MYH9: variants seen among roughly 807,000 people sequenced by gnomAD.
MYH9 encodes the protein myosin heavy chain 9.
Under a neutral mutation model 241.9 loss-of-function variants are expected in MYH9, and 29 were observed. The observed-to-expected ratio is 0.12, with a 90% CI of 0.09 to 0.16. The LOEUF (loss-of-function observed/expected upper bound fraction) is 0.16, where lower values mean the gene tolerates loss of function less well. Among genes scored for constraint, MYH9 ranks in the 10% least tolerant of loss-of-function variants. The probability of loss-of-function intolerance (pLI) is 1.00; values close to 1 mark genes in which losing one functional copy is unlikely to be tolerated. For synonymous variants in MYH9, 1,047 were observed against 1,062.6 expected, an observed-to-expected ratio of 0.99 and a Z score of 0.29; for missense variants, 1,803 against 2,595.5, an observed-to-expected ratio of 0.69 and a Z score of 6.63.
chr22:36,332,661 T>TAAAAAAAAAAA (rs67602880), intron 3 of MYH9, among the ~76,000 whole-genome samples: 1 of 44,506 alleles, frequency 2.2e-5, no homozygotes, highest in African/African-American at 9.9e-5. Flanking sequence ...TCTGGATAAT[T>TAAAAAAAAAAA]AAAAAAAAAA....
At position 36,314,192 on chromosome 22, in the gene MYH9, C is replaced by T. The variant is rs1374509912; in HGVS notation, c.1507G>A (p.Asp503Asn). 6.8e-6 allele frequency: 11 copies of T among 1,614,098 alleles called. No homozygotes were observed. Among genetic ancestry groups the T allele is most frequent in the Non-Finnish European group, 9.3e-6 (11 of 1,180,032 alleles). The part of the protein sequence containing the change: ...QREGIEWNFI[D>N]FGLDLQPCID... ...CAGGGCTGCAGGTCGAGGCCAAAGT[C>T]GATGAAGTTCCACTCGATGCCCTCG... Residue 503 changes from aspartate (D) to asparagine (N), a missense_variant, in exon 13 of 41, where the codon GAC (aspartate) becomes AAC (asparagine). Physicochemically the swap from Asp to Asn is conservative, Grantham distance 23. Transcript: ENST00000216181.
At chr22:36,316,790 G>C in intron 11 of MYH9, 121 bp from the exon 12 acceptor site, 1 of 1,133,238 alleles carries the variant, frequency 8.8e-7, no homozygotes, top group South Asian at 1.4e-5. Context: ...CTAAGTATGT[G>C]GGGGAAAAAA....
chr22:36,387,148 C>T (rs1185674937), intron 1 of MYH9, among the ~76,000 whole-genome samples: 1 of 152,218 alleles, frequency 6.6e-6, no homozygotes, highest in Non-Finnish European at 1.5e-5. Context: ...CCCCCTTGTC[C>T]GGGCAGCCGC....
chr22:36,291,674 TA>T (rs2016705647), intron 31 of MYH9, among the ~76,000 whole-genome samples: 1 of 35,394 alleles, frequency 2.8e-5, no homozygotes, highest in Non-Finnish European at 6.1e-5. Flanking sequence ...GAATGATCAA[TA>T]AAAAAATTAA....
chr22:36,368,284 T>C (rs1272285509), intron 1 of MYH9, among the ~76,000 whole-genome samples: 1 of 152,224 alleles, frequency 6.6e-6, no homozygotes, highest in Non-Finnish European at 1.5e-5. Context: ...TCTTGTGAGG[T>C]AGATTCTAGT....
chr22:36,364,202 T>C (rs1159107202), intron 1 of MYH9, among the ~76,000 whole-genome samples: 1 of 152,152 alleles, frequency 6.6e-6, no homozygotes, highest in Non-Finnish European at 1.5e-5. Context: ...CTCTGAGTGA[T>C]TATTTAAATC....
chr22:36,379,724 C>G (rs1290456964), intron 1 of MYH9, among the ~76,000 whole-genome samples: 1 of 152,184 alleles, frequency 6.6e-6, no homozygotes, highest in Non-Finnish European at 1.5e-5. Context: ...AAGCCACACC[C>G]TTCCGGAAGG....
Position 36,305,823 on chromosome 22 carries a change from C to T in MYH9, c.2159+107G>A, listed in dbSNP as rs1276355893. ...GACTCAGTTCTACATGGATGGAGGA[C>T]GTCGCTCCCTCACGACAGGATCCTG... On this transcript the variant is annotated intron_variant, in intron 17 of 40. Coordinates refer to ENST00000216181, the MANE Select transcript of MYH9 (RefSeq NM_002473.6). The surrounding 1 kb of genome is among the most constrained non-coding windows in gnomAD (Gnocchi z 4.7). The T allele has an allele frequency of 9.3e-6, 14 of 1,500,642 alleles. No individual in the cohort carries two copies. Among genetic ancestry groups the T allele is most frequent in the Non-Finnish European group, 1.3e-5 (14 of 1,086,338 alleles). 93.0% of individuals were successfully genotyped at this position (1,500,642 alleles called of 1,614,324 possible).
intron 1 of MYH9, among the ~76,000 whole-genome samples, chr22:36,383,543 GCA>G (rs2018290468): frequency 6.6e-6 from 1 of 152,036 alleles, no homozygotes; most frequent in South Asian, 2.1e-4. Flanking sequence ...ACCTTGTTGT[GCA>G]CAGAGGCAGA....
chr22:36,384,539 C>T lies in MYH9; in HGVS notation c.-20+3268G>A, dbSNP rs189709442. Among the ~76,000 whole-genome samples, 13 of 121,506 alleles carry T rather than the reference C, an allele frequency of 1.1e-4. No homozygotes were observed. In the South Asian group the frequency reaches 1.1e-3, roughly 10 times the overall value. 79.7% of individuals were successfully genotyped at this position (121,506 alleles called of 152,430 possible). A position where few individuals can be genotyped will look rare whatever the true frequency, so the allele number is the denominator to read the frequency against. ...AAGAGGTTGCAGCAAGCTGAGGTCACGCCATTGCACTCTAGCCTGGGCGAC... is the reference window on the plus strand; with the variant it reads ...AAGAGGTTGCAGCAAGCTGAGGTCATGCCATTGCACTCTAGCCTGGGCGAC... On this transcript the variant is annotated intron_variant, in intron 1 of 40. Coordinates refer to ENST00000216181, the MANE Select transcript of MYH9 (RefSeq NM_002473.6).
chr22:36,315,462 G>A (rs369985770), intron 12 of MYH9, among the ~76,000 whole-genome samples: 23 of 152,178 alleles, frequency 1.5e-4, no homozygotes, highest in African/African-American at 5.5e-4. Flanking sequence ...GTCTTATCCC[G>A]ATGCTCAGGG....
Position 36,321,743 on chromosome 22 carries a change from G to T in MYH9, c.769+15C>A. 6.2e-7 allele frequency: 1 copy of T among 1,612,880 alleles called. No homozygotes were observed. The highest frequency in any genetic ancestry group is 8.5e-7 in the Non-Finnish European group (1 of 1,178,880). On this transcript the variant is annotated intron_variant, in intron 7 of 40. Coordinates refer to ENST00000216181, the MANE Select transcript of MYH9 (RefSeq NM_002473.6). ...CCGGATCCAGGACTCTTATCCCAAC[G>T]AACCACAAGGATACAAGTCTCAATG...
At position 36,316,673 on chromosome 22, in the gene MYH9, C is replaced by A. The variant is rs374582941; in HGVS notation, c.1228-4G>T. Reference sequence around the variant, plus strand: ...AGGCCTCGATGGCAAAGTCAGCCTGCGGGGCACACCCGGGGAGCGTGGTGT... The same window carrying A: ...AGGCCTCGATGGCAAAGTCAGCCTGAGGGGCACACCCGGGGAGCGTGGTGT... On this transcript the variant is annotated splice_region_variant and splice_polypyrimidine_tract_variant and intron_variant, in intron 11 of 40. Coordinates refer to ENST00000216181, the MANE Select transcript of MYH9 (RefSeq NM_002473.6). 1 of 1,613,642 alleles carries A rather than the reference C, an allele frequency of 6.2e-7. No homozygotes were observed.
rs148651564 is a variant in MYH9 at position 36,350,939 on chromosome 22, C to G, written c.-19-1684G>C. ...TTTTTTTTCCCTCTATGAGATCAAGCCCCCTCCCCTCAGGCCCCTGCAATC... is the reference window on the plus strand; with the variant it reads ...TTTTTTTTCCCTCTATGAGATCAAGGCCCCTCCCCTCAGGCCCCTGCAATC... On this transcript the variant is annotated intron_variant, in intron 1 of 40. Coordinates refer to ENST00000216181, the MANE Select transcript of MYH9 (RefSeq NM_002473.6). Among the ~76,000 whole-genome samples, 479 of 152,304 alleles carry G rather than the reference C, an allele frequency of 3.1e-3. 3 individuals carry two copies. Among genetic ancestry groups the G allele is most frequent in the African/African-American group, 0.011 (452 of 41,580 alleles).
rs1321127646 is a variant in MYH9, at chr22:36,288,038, C to G, written c.4932+214G>C. ...TCTGTGTTTTATGTACCCAGTCATA[C>G]ACCGTTTTGCAAGTTTGCTGTTGGA... On this transcript the variant is annotated intron_variant, in intron 34 of 40. Transcript: ENST00000216181. This position sits in a 1 kb window ranked among gnomAD's most constrained non-coding sequence, Gnocchi z 4.8. Among the ~76,000 whole-genome samples the G allele has an allele frequency of 6.6e-6, 1 of 152,202 alleles. No individual in the cohort carries two copies. Among genetic ancestry groups the G allele is most frequent in the African/African-American group, 2.4e-5 (1 of 41,450 alleles).
rs750556746 is a variant in MYH9 at position 36,306,092 on chromosome 22, C to T, written c.2038-41G>A. The T allele has an allele frequency of 5.6e-6, 9 of 1,610,504 alleles. No homozygotes were observed. The highest frequency in any genetic ancestry group is 7.6e-6 in the Non-Finnish European group (9 of 1,179,952). On this transcript the variant is annotated intron_variant, in intron 16 of 40. Transcript: ENST00000216181. The surrounding 1 kb of genome is among the most constrained non-coding windows in gnomAD (Gnocchi z 4.1). ...CATGCATGCGGTCTCACTTCCGTGCCTAGAACAGTCGGAGAATAGTCAGGG... is the reference window on the plus strand; with the variant it reads ...CATGCATGCGGTCTCACTTCCGTGCTTAGAACAGTCGGAGAATAGTCAGGG...
intron 18 of MYH9, 132 bp from the exon 19 acceptor site, chr22:36,304,287 A>G: frequency 1.1e-6 from 1 of 935,960 alleles, no homozygotes; most frequent in Non-Finnish European, 1.7e-6. Context: ...GGAGAGCAGA[A>G]AGCCATCTCC....
intron 1 of MYH9, among the ~76,000 whole-genome samples, chr22:36,375,955 C>CT (rs751350180): frequency 0.38 from 33,948 of 89,466 alleles, 8,213 homozygotes; most frequent in Non-Finnish European, 0.51. Context: ...TCAATAATTT[C>CT]TTTTTTTTTT....
In MYH9 at chr22:36,286,139, T is replaced by A. The variant is rs908054292; in HGVS notation, c.5062-186A>T. The A allele has an allele frequency of 4.7e-6, 3 of 639,326 alleles. No homozygotes were observed. The African/African-American group carries it at 5.5e-5, about 12-fold the overall frequency. The allele number at this position is 639,326 out of a possible 1,614,324, so 39.6% of individuals were successfully genotyped here. A position where few individuals can be genotyped will look rare whatever the true frequency, so the allele number is the denominator to read the frequency against. On this transcript the variant is annotated intron_variant, in intron 35 of 40. Coordinates refer to ENST00000216181, the MANE Select transcript of MYH9 (RefSeq NM_002473.6). Reference sequence around the variant, plus strand: ...GAAGATATAGCTTAAACACCATATGTTTATAAAACTCTTACATTTAAGTGC... The same window carrying A: ...GAAGATATAGCTTAAACACCATATGATTATAAAACTCTTACATTTAAGTGC...
Sources: allele counts gnomAD v4.1 joint callset (sites outside exome capture counted in the v4.1 genomes callset), GRCh38; gene constraint gnomAD v4.1.1; non-coding constraint Gnocchi (gnomAD v3.1); transcripts MANE v1.5; gene names NCBI Gene and HGNC (gene_info 2026-07-23, HGNC 2026-07-21).